The following AMPD2 variants were observed in gnomAD, a reference collection of about 807,000 sequenced individuals.
AMPD2 encodes the protein AMP deaminase 2.
Under a neutral mutation model 91.3 loss-of-function variants are expected in AMPD2, and 52 were observed. The ratio of observed to expected loss-of-function variants is 0.57; its 90% confidence interval spans 0.46 to 0.72. AMPD2 has a LOEUF of 0.72. Among genes scored for constraint, AMPD2 ranks in the 30% least tolerant of loss-of-function variants. The pLI is 0.00. For synonymous variants in AMPD2, 455 were observed against 456.4 expected (o/e 1.00, Z 0.04); for missense variants, 822 against 1,122.3 (o/e 0.73, Z 3.82).
chr1:109,630,563 G>A (rs889363562), intron 17 of AMPD2, 120 bp from the exon 18 acceptor site: 45 of 889,594 alleles, frequency 5.1e-5, no homozygotes, highest in Non-Finnish European at 7.5e-5. Context: ...TGGAGTTGAG[G>A]GGTTGGGGGG....
chr1:109,630,815 C>A (rs1475415102), intron 18 of AMPD2, 22 bp downstream of exon 18: 5 of 1,598,594 alleles, frequency 3.1e-6, no homozygotes, highest in Non-Finnish European at 3.4e-6. Context: ...CCTGCCTGGA[C>A]CTTGGCATGG....
In AMPD2 at chr1:109,628,727, G is replaced by A; in HGVS notation, c.1492G>A (p.Asp498Asn). ...SIYGRSRDEW[D>N]KLARWAVMHR... is the part of the protein sequence containing the mutation. ...TTACGGGCGCTCGAGGGATGAGTGG[G>A]ACAAGCTGGCGCGCTGGGCCGTCAT... The change falls in exon 13 of 19, where the codon GAC (aspartate) becomes AAC (asparagine). Residue 498 changes from aspartate (D) to asparagine (N), a missense_variant. Around this residue, in one of 5 missense-constraint regions of AMPD2, gnomAD observed 430 missense variants for 606.0 expected, o/e 0.71. Coordinates refer to ENST00000528667, the MANE Select transcript of AMPD2 (RefSeq NM_001368809.2). This position sits in a 1 kb window ranked among gnomAD's most constrained non-coding sequence, Gnocchi z 7.1. 6.2e-7 allele frequency: 1 copy of A among 1,611,020 alleles called. No homozygotes were observed. Among genetic ancestry groups the A allele is most frequent in the Non-Finnish European group, 8.5e-7 (1 of 1,178,554 alleles).
intron 15 of AMPD2, 25 bp downstream of exon 15, chr1:109,629,515 T>A: frequency 7.5e-6 from 12 of 1,608,430 alleles, no homozygotes; most frequent in Non-Finnish European, 1.0e-5. Context: ...CTGTGTCTGC[T>A]TGCTATGCCA....
chr1:109,626,798 GC>G lies in AMPD2; in HGVS notation c.607del (p.Leu203CysfsTer106). The part of the protein sequence containing the change: ...RALFIREKYM[A>X]LSLQSFCPTT... ...GCTCTTCATCCGGGAGAAGTACATG[GC>G]CCTGTCCCTGCAGAGCTTCTGCCCC... On this transcript the variant is annotated frameshift_variant, in exon 7 of 19. Coordinates refer to ENST00000528667, the MANE Select transcript of AMPD2 (RefSeq NM_001368809.2). LOFTEE classifies it high-confidence loss of function. 6.2e-7 allele frequency: 1 copy of G among 1,613,838 alleles called. No individual in the cohort carries two copies. Among genetic ancestry groups the G allele is most frequent in the Non-Finnish European group, 8.5e-7 (1 of 1,179,922 alleles).
At chr1:109,621,797 T>A (rs1650298784) in intron 2 of AMPD2, among the ~76,000 whole-genome samples, 1 of 152,234 alleles carries the variant, frequency 6.6e-6, no homozygotes, top group African/African-American at 2.4e-5. Context: ...ATCTATCGTT[T>A]GCTATTTGCT....
chr1:109,627,412 G>C lies in AMPD2; in HGVS notation c.861-17G>C. The stretch of plus-strand genomic sequence containing the variant: ...GGCTCGGCTTGCTCTCCTCACCCAA[G>C]CTCCCCTCCATGCCAGTTGCTCAGA... On this transcript the variant is annotated splice_polypyrimidine_tract_variant and intron_variant, in intron 8 of 18. Coordinates refer to ENST00000528667, the MANE Select transcript of AMPD2 (RefSeq NM_001368809.2). 1 of 1,614,088 alleles carries C rather than the reference G, an allele frequency of 6.2e-7. No individual in the cohort carries two copies. The highest frequency in any genetic ancestry group is 8.5e-7 in the Non-Finnish European group (1 of 1,179,968).
Position 109,630,926 on chromosome 1 carries a change from A to G in AMPD2, c.2269-17A>G. On this transcript the variant is annotated splice_polypyrimidine_tract_variant and intron_variant, in intron 18 of 18. Coordinates refer to ENST00000528667, the MANE Select transcript of AMPD2 (RefSeq NM_001368809.2). ...AGCACTGGCTGCAGCCCTGCCCATTACCCCCGCTCCTTGCAGGTAAAGAGC... is the reference window on the plus strand; with the variant it reads ...AGCACTGGCTGCAGCCCTGCCCATTGCCCCCGCTCCTTGCAGGTAAAGAGC... 6.2e-7 allele frequency: 1 copy of G among 1,613,226 alleles called. No individual in the cohort carries two copies. The highest frequency in any genetic ancestry group is 8.5e-7 in the Non-Finnish European group (1 of 1,179,720).
rs1443384258 is a variant in AMPD2, at chr1:109,624,280, G to C, written c.92-1023G>C. The stretch of plus-strand genomic sequence containing the variant: ...TAAGCCAGGGTGGAGGGTGCTGGAG[G>C]GGAGCACTCCTTACAGCCGGCTGAG... On this transcript the variant is annotated intron_variant, in intron 2 of 18. Transcript: ENST00000528667. This position sits in a 1 kb window ranked among gnomAD's most constrained non-coding sequence, Gnocchi z 5.2. Among the ~76,000 whole-genome samples, 1 of 152,220 alleles carries C rather than the reference G, an allele frequency of 6.6e-6. No homozygotes were observed. Among genetic ancestry groups the C allele is most frequent in the African/African-American group, 2.4e-5 (1 of 41,446 alleles).
rs1190354546 is a variant in AMPD2, at chr1:109,626,354, G to C, written c.458G>C (p.Arg153Pro). 3 of 1,612,152 alleles carry C rather than the reference G, an allele frequency of 1.9e-6. No individual in the cohort carries two copies. The highest frequency in any genetic ancestry group is 2.5e-6 in the Non-Finnish European group (3 of 1,179,184). Reference protein sequence around the residue: ...YKEQGEGQGDRSLRERDVLER... With the variant: ...YKEQGEGQGDPSLRERDVLER... Reference sequence around the variant, plus strand: ...GAACAGGGTGAGGGGCAGGGTGACCGGAGCCTGCGGGAGCGTGATGTGCTG... The same window carrying C: ...GAACAGGGTGAGGGGCAGGGTGACCCGAGCCTGCGGGAGCGTGATGTGCTG... The change falls in exon 6 of 19, where the codon CGG becomes CCG. Residue 153 changes from arginine (R) to proline (P), a missense_variant. Physicochemically the swap from Arg to Pro is moderately radical, Grantham distance 103 (BLOSUM62 -2). Around this residue, in one of 5 missense-constraint regions of AMPD2, gnomAD observed 240 missense variants for 270.3 expected, o/e 0.89. Coordinates refer to ENST00000528667, the MANE Select transcript of AMPD2 (RefSeq NM_001368809.2).
chr1:109,625,674 C>G lies in AMPD2; in HGVS notation c.235C>G (p.Arg79Gly), dbSNP rs781032788. The change falls in exon 4 of 19, where the codon CGC becomes GGC. Residue 79 changes from arginine to glycine, a missense_variant. Physicochemically the swap from Arg to Gly is moderately radical, Grantham distance 125. Around this residue, in one of 5 missense-constraint regions of AMPD2, gnomAD observed 105 missense variants for 125.0 expected, o/e 0.84. Transcript: ENST00000528667. The surrounding 1 kb of genome is among the most constrained non-coding windows in gnomAD (Gnocchi z 4.0). Reference protein sequence around the residue: ...CKEIAEELFTRSLAESELRSA... With the variant: ...CKEIAEELFTGSLAESELRSA... ...TCCCTCCCCCCAGGAGCTGTTCACC[C>G]GCTCACTGGCTGAGAGCGAGCTCCG... 1 of 1,614,068 alleles carries G rather than the reference C, an allele frequency of 6.2e-7. No homozygotes were observed.
intron 2 of AMPD2, 181 bp downstream of exon 2, chr1:109,621,447 G>C (rs1318177461): frequency 4.6e-6 from 3 of 657,896 alleles, no homozygotes; most frequent in East Asian, 5.9e-5. Context: ...GGTGGGGGGC[G>C]GGGGGTGGAT....
rs755858754 is a variant in AMPD2, at chr1:109,626,867, G to C, written c.673G>C (p.Glu225Gln). Reference protein sequence around the residue: ...YLQQLAEKPLETRTYEQGPDT... With the variant: ...YLQQLAEKPLQTRTYEQGPDT... ...GCAGCAGCTGGCTGAAAAGCCTCTG[G>C]AGACCCGGACCTATGAACAGGGCCC... The change falls in exon 7 of 19, where the codon GAG becomes CAG. Residue 225 changes from glutamate (E) to glutamine (Q), a missense_variant. By Grantham distance (29) the Glu-to-Gln change is conservative (BLOSUM62 2). Around this residue, in one of 5 missense-constraint regions of AMPD2, gnomAD observed 240 missense variants for 270.3 expected, o/e 0.89. Transcript: ENST00000528667. 1 of 1,613,914 alleles carries C rather than the reference G, an allele frequency of 6.2e-7. No homozygotes were observed. Among genetic ancestry groups the C allele is most frequent in the East Asian group, 2.2e-5 (1 of 44,868 alleles).
In AMPD2 at chr1:109,626,433, T is replaced by C. The variant is rs964176789; in HGVS notation, c.531+6T>C. 6.2e-6 allele frequency: 10 copies of C among 1,600,690 alleles called. No homozygotes were observed. Among genetic ancestry groups the C allele is most frequent in the Non-Finnish European group, 8.5e-6 (10 of 1,174,478 alleles). On this transcript the variant is annotated splice_donor_region_variant and intron_variant, in intron 6 of 18. Coordinates refer to ENST00000528667, the MANE Select transcript of AMPD2 (RefSeq NM_001368809.2). ...CTGGGGAGGAGAAGTGTGGGGTAAG[T>C]ATGGGGTGTATGTTGGGTGAGTCGC... is the stretch of plus-strand genomic sequence containing the variant.
In AMPD2 at chr1:109,628,878, C is replaced by T. The variant is rs1008154078; in HGVS notation, c.1571+72C>T. On this transcript the variant is annotated intron_variant, in intron 13 of 18. Coordinates refer to ENST00000528667, the MANE Select transcript of AMPD2 (RefSeq NM_001368809.2). This position sits in a 1 kb window ranked among gnomAD's most constrained non-coding sequence, Gnocchi z 7.1. ...GGGGTCAGGGCCTGCCTCCTGCCCT[C>T]CTAGGATGGCTGAGCCTCCCTTGTC... 1 of 1,502,072 alleles carries T rather than the reference C, an allele frequency of 6.7e-7. No homozygotes were observed. Among genetic ancestry groups the T allele is most frequent in the East Asian group, 2.5e-5 (1 of 40,388 alleles). 93.0% of individuals were successfully genotyped at this position (1,502,072 alleles called of 1,614,324 possible).
At position 109,624,266 on chromosome 1, in the gene AMPD2, G is replaced by A. The variant is rs1650469359; in HGVS notation, c.92-1037G>A. On this transcript the variant is annotated intron_variant, in intron 2 of 18. Coordinates refer to ENST00000528667, the MANE Select transcript of AMPD2 (RefSeq NM_001368809.2). The surrounding 1 kb of genome is among the most constrained non-coding windows in gnomAD (Gnocchi z 5.2). ...CTGTAATCCTTCCCTAAGCCAGGGT[G>A]GAGGGTGCTGGAGGGGAGCACTCCT... Among the ~76,000 whole-genome samples the A allele has an allele frequency of 1.3e-5, 2 of 152,228 alleles. No homozygotes were observed. Among genetic ancestry groups the A allele is most frequent in the South Asian group, 4.1e-4 (2 of 4,834 alleles).
Position 109,624,178 on chromosome 1 carries a change from G to A in AMPD2, c.92-1125G>A. On this transcript the variant is annotated intron_variant, in intron 2 of 18. Transcript: ENST00000528667. The surrounding 1 kb of genome is among the most constrained non-coding windows in gnomAD (Gnocchi z 5.2). Reference sequence around the variant, plus strand: ...CCCTCTTCCCTTTGTCCAGCTTTGGGACCAGTCCTGGAGTATTGGGAAATG... The same window carrying A: ...CCCTCTTCCCTTTGTCCAGCTTTGGAACCAGTCCTGGAGTATTGGGAAATG... 5 of 704,722 alleles carry A rather than the reference G, an allele frequency of 7.1e-6. No individual in the cohort carries two copies. The highest frequency in any genetic ancestry group is 8.7e-6 in the Non-Finnish European group (5 of 573,322). 43.7% of individuals were successfully genotyped at this position (704,722 alleles called of 1,614,324 possible).
In AMPD2 at chr1:109,625,224, T is replaced by C; in HGVS notation, c.92-79T>C. ...CCCGACCCTGGGCTCTCTCGGGAGC[T>C]GGCCTAGGCAGGGCAGGGGCCCAGG... On this transcript the variant is annotated intron_variant, in intron 2 of 18. Transcript: ENST00000528667. This position sits in a 1 kb window ranked among gnomAD's most constrained non-coding sequence, Gnocchi z 4.0. 2 of 1,556,892 alleles carry C rather than the reference T, an allele frequency of 1.3e-6. No homozygotes were observed. Among genetic ancestry groups the C allele is most frequent in the Non-Finnish European group, 1.7e-6 (2 of 1,148,774 alleles).
intron 2 of AMPD2, 170 bp downstream of exon 2, chr1:109,621,436 T>TGTTGGGGGGGGGGGGGGGG: frequency 8.2e-6 from 1 of 122,442 alleles, no homozygotes; most frequent in Middle Eastern, 2.2e-3. Flanking sequence ...GGGTGAGGGG[T>TGTTGGGGGGGGGGGGGGGG]GGTGGGGGGC....
Position 109,626,714 on chromosome 1 carries a change from C to A in AMPD2, c.532-12C>A. On this transcript the variant is annotated splice_polypyrimidine_tract_variant and intron_variant, in intron 6 of 18. Coordinates refer to ENST00000528667, the MANE Select transcript of AMPD2 (RefSeq NM_001368809.2). Reference sequence around the variant, plus strand: ...AAGACTGAGGAGAGTGATCGCATATCCTCATCTCCAGGTGCCGTTCACAGA... The same window carrying A: ...AAGACTGAGGAGAGTGATCGCATATACTCATCTCCAGGTGCCGTTCACAGA... 1 of 1,609,448 alleles carries A rather than the reference C, an allele frequency of 6.2e-7. No homozygotes were observed. Among genetic ancestry groups the A allele is most frequent in the Non-Finnish European group, 8.5e-7 (1 of 1,177,298 alleles).
Sources: allele counts gnomAD v4.1 joint callset (sites outside exome capture counted in the v4.1 genomes callset), GRCh38; gene constraint gnomAD v4.1.1; regional missense constraint gnomAD v4.1.1; non-coding constraint Gnocchi (gnomAD v3.1); transcripts MANE v1.5; gene names NCBI Gene and HGNC (gene_info 2026-07-23, HGNC 2026-07-21).